Variants in ULK4 observed in about 807,000 individuals in gnomAD.
ULK4 encodes the protein inactive serine/threonine-protein kinase ULK4.
ULK4 carries 133 observed loss-of-function variants against 160.6 expected under a neutral mutation model. The ratio of observed to expected loss-of-function variants is 0.83; its 90% CI spans 0.72 to 0.96. The LOEUF (loss-of-function observed/expected upper bound fraction) is 0.96, where lower values mean the gene tolerates loss of function less well. ULK4 is among the 40% of genes least tolerant of loss of function. The pLI is 0.00. For missense variants in ULK4, 1,580 were observed against 1,499.5 expected, an observed-to-expected ratio of 1.05 and a Z score of -0.89; for synonymous variants, 534 against 539.8, an observed-to-expected ratio of 0.99 and a Z score of 0.15.
intron 32 of ULK4, among the ~76,000 whole-genome samples, chr3:41,532,160 T>C (rs1411210587): frequency 6.6e-6 from 1 of 152,230 alleles, no homozygotes; most frequent in Non-Finnish European, 1.5e-5. Context: ...CTGCTGATTT[T>C]TCTTACTGCT....
chr3:41,644,578 T>C (rs901934719), intron 30 of ULK4, among the ~76,000 whole-genome samples: 5 of 152,346 alleles, frequency 3.3e-5, no homozygotes, highest in African/African-American at 1.2e-4. Context: ...TTGGATGTGC[T>C]GCTGGATTCG....
At chr3:41,526,966 G>A (rs1011891859) in intron 32 of ULK4, among the ~76,000 whole-genome samples, 1 of 152,150 alleles carries the variant, frequency 6.6e-6, no homozygotes, top group Non-Finnish European at 1.5e-5. Context: ...CTACCAAGGA[G>A]TTATTGTTTA....
At chr3:41,838,016 G>A (rs922400760) in intron 17 of ULK4, among the ~76,000 whole-genome samples, 1 of 152,138 alleles carries the variant, frequency 6.6e-6, no homozygotes, top group Non-Finnish European at 1.5e-5. Context: ...CCTTGCAGCA[G>A]GTCACTTCTA....
chr3:41,586,432 TGTAAA>T (rs796845448), intron 31 of ULK4, among the ~76,000 whole-genome samples: 5 of 152,280 alleles, frequency 3.3e-5, no homozygotes, highest in African/African-American at 1.2e-4. Context: ...TCATAAAGTG[TGTAAA>T]GTAGTCAAAA....
intron 32 of ULK4, among the ~76,000 whole-genome samples, chr3:41,500,315 A>C (rs1277934133): frequency 1.4e-5 from 2 of 145,908 alleles, no homozygotes; most frequent in African/African-American, 5.0e-5. Context: ...CATTTAAGGC[A>C]CTGGTTCTCA....
chr3:41,609,965 C>T (rs1380568098), intron 31 of ULK4, among the ~76,000 whole-genome samples: 2 of 149,838 alleles, frequency 1.3e-5, no homozygotes, highest in African/African-American at 4.9e-5. Flanking sequence ...CAGAGTGAGA[C>T]CTCATCTCAA....
intron 34 of ULK4, among the ~76,000 whole-genome samples, chr3:41,404,205 A>G (rs1023875647): frequency 3.9e-5 from 5 of 129,514 alleles, no homozygotes; most frequent in Non-Finnish European, 8.4e-5. Context: ...TGATTTGTCT[A>G]TTTATCTTTT....
At chr3:41,499,266 T>G (rs1247811515) in intron 32 of ULK4, among the ~76,000 whole-genome samples, 1 of 152,058 alleles carries the variant, frequency 6.6e-6, no homozygotes, top group Admixed American at 6.6e-5. Context: ...AAAAAGCTCA[T>G]GAAGAACCCC....
intron 18 of ULK4, among the ~76,000 whole-genome samples, chr3:41,826,420 T>C (rs930341998): frequency 1.3e-5 from 2 of 150,304 alleles, no homozygotes; most frequent in Non-Finnish European, 3.0e-5. Flanking sequence ...ACCCATCTCA[T>C]GTGCAGAGAC....
chr3:41,879,987 G>A (rs1182155118), intron 17 of ULK4, among the ~76,000 whole-genome samples: 1 of 152,114 alleles, frequency 6.6e-6, no homozygotes, highest in African/African-American at 2.4e-5. Flanking sequence ...GGGCGTGGTA[G>A]TGCATGCCTG....
intron 32 of ULK4, among the ~76,000 whole-genome samples, chr3:41,468,668 G>T (rs952011520): frequency 6.6e-6 from 1 of 152,148 alleles, no homozygotes; most frequent in Admixed American, 6.5e-5. Flanking sequence ...AGATAAAAGG[G>T]TCTTATTTTG....
intron 32 of ULK4, among the ~76,000 whole-genome samples, chr3:41,548,685 C>T (rs2086955285): frequency 6.9e-6 from 1 of 145,112 alleles, no homozygotes; most frequent in Admixed American, 6.9e-5. Context: ...CCACTACTGC[C>T]ACCTCCAGGA....
chr3:41,557,752 G>GTA (rs1469142045), intron 32 of ULK4, among the ~76,000 whole-genome samples: 3 of 151,910 alleles, frequency 2.0e-5, no homozygotes. Flanking sequence ...GTAACACAAG[G>GTA]AGACTCTGTC....
chr3:41,935,895 TC>T lies in ULK4; in HGVS notation c.283del (p.Glu95LysfsTer4), dbSNP rs1326132587. 1.9e-6 allele frequency: 3 copies of T among 1,613,990 alleles called. No individual in the cohort carries two copies. In the South Asian group the frequency reaches 3.3e-5, roughly 18 times the overall value. On this transcript the variant is annotated frameshift_variant, in exon 4 of 37. Transcript: ENST00000301831. LOFTEE classifies it high-confidence loss of function. ...AATTCCAAATTCTCTCACAACATCT[TC>T]TGGGAGGTTTTCATCTTGAGCAATA... Reference protein sequence around the residue: ...TVIAQDENLPEDVVREFGIDL... With the variant: ...TVIAQDENLPXDVVREFGIDL...
chr3:41,832,293 G>C (rs1049587145), intron 18 of ULK4, among the ~76,000 whole-genome samples: 6 of 152,190 alleles, frequency 3.9e-5, no homozygotes, highest in Admixed American at 3.9e-4. Context: ...AATCATCAGT[G>C]ATAATGAGCT....
At chr3:41,568,876 C>T (rs1168340775) in intron 31 of ULK4, among the ~76,000 whole-genome samples, 1 of 152,204 alleles carries the variant, frequency 6.6e-6, no homozygotes, top group Non-Finnish European at 1.5e-5. Flanking sequence ...CCACTTCAAA[C>T]ACTCATCACA....
chr3:41,795,903 T>G (rs2040287739), intron 20 of ULK4, among the ~76,000 whole-genome samples: 1 of 152,154 alleles, frequency 6.6e-6, no homozygotes, highest in South Asian at 2.1e-4. Flanking sequence ...ATCTGAGAGA[T>G]GCTGATGAGT....
intron 16 of ULK4, among the ~76,000 whole-genome samples, chr3:41,891,933 A>T: frequency 6.6e-6 from 1 of 152,202 alleles, no homozygotes; most frequent in Non-Finnish European, 1.5e-5. Context: ...CTACCAAATG[A>T]TAAAATCTAA....
At chr3:41,271,127 C>T (rs143329656) in intron 35 of ULK4, among the ~76,000 whole-genome samples, 7 of 152,170 alleles carry the variant, frequency 4.6e-5, no homozygotes, top group South Asian at 2.1e-4. Flanking sequence ...TTTGGATATA[C>T]GTATACAATT....
Sources: gnomAD v4.1 joint callset for allele counts (sites outside exome capture counted in the v4.1 genomes callset) on GRCh38, gnomAD v4.1.1 for gene constraint, MANE v1.5 for transcripts, NCBI Gene and HGNC (gene_info 2026-07-23, HGNC 2026-07-21) for gene names.